The following MPP1 variants were observed in gnomAD, a reference collection of about 807,000 sequenced individuals.
MPP1 encodes the protein MAGUK p55 scaffold protein 1.
In MPP1, 6 loss-of-function variants were observed where a neutral mutation model predicts 38.2. The observed-to-expected ratio is 0.16, with a 90% CI of 0.09 to 0.31. MPP1 has a LOEUF of 0.31. Ranked by LOEUF, MPP1 falls within the 10% of genes least tolerant of loss-of-function variation. The pLI, the probability that MPP1 is intolerant of heterozygous loss-of-function variation, is 1.00. For synonymous variants in MPP1, 153 were observed against 146.3 expected, an observed-to-expected ratio of 1.05 and a Z score of -0.33; for missense variants, 293 against 368.9, an observed-to-expected ratio of 0.79 and a Z score of 1.69.
intron 1 of MPP1, chrX:154,799,691 C>G (rs1557268457): frequency 4.5e-6 from 5 of 1,108,548 alleles, no homozygotes; most frequent in Non-Finnish European, 6.0e-6. Context: ...GCGGAAGTGG[C>G]TCTGTTAAGG....
At chrX:154,805,202 A>T in intron 1 of MPP1, 70 bp downstream of exon 1, 1 of 1,038,676 alleles carries the variant, frequency 9.6e-7, no homozygotes. Flanking sequence ...AGGGACCGGG[A>T]CAGGGAAAGT....
intron 1 of MPP1, among the ~76,000 whole-genome samples, chrX:154,796,278 G>A (rs2072197138): frequency 9.1e-6 from 1 of 110,486 alleles, no homozygotes; most frequent in Non-Finnish European, 1.9e-5. Flanking sequence ...TTACAGGCAA[G>A]CGCCACCACA....
At chrX:154,799,717 C>T (rs2072240465) in intron 1 of MPP1, 1 of 1,140,776 alleles carries the variant, frequency 8.8e-7, no homozygotes, top group Non-Finnish European at 1.2e-6. Context: ...TGCTGGGATT[C>T]AGGAGGAGCC....
Position 154,805,360 on chromosome X carries a change from G to C in MPP1, c.14C>G (p.Ala5Gly). Residue 5 changes from alanine to glycine, a missense_variant, in exon 1 of 12, where the codon GCG becomes GGG. Ala to Gly is a moderately conservative substitution (Grantham distance 60). Coordinates refer to ENST00000369534, the MANE Select transcript of MPP1 (RefSeq NM_002436.4). The stretch of plus-strand genomic sequence containing the variant: ...GCTGCCCCCACTCTCGCCCTCGCTC[G>C]CCTTGAGGGTCATCTCGCAGAAGCT... Reference protein sequence around the residue: MTLKASEGESGGSMH... With the variant: MTLKGSEGESGGSMH... 2 of 1,199,460 alleles carry C rather than the reference G, an allele frequency of 1.7e-6. No homozygotes were observed. Among genetic ancestry groups the C allele is most frequent in the Non-Finnish European group, 2.3e-6 (2 of 888,454 alleles).
At chrX:154,802,795 G>A (rs1272303596) in intron 1 of MPP1, among the ~76,000 whole-genome samples, 1 of 112,566 alleles carries the variant, frequency 8.9e-6, no homozygotes, top group African/African-American at 3.2e-5. Flanking sequence ...AGTATTAAAT[G>A]TGGATTATAA....
At chrX:154,779,556 C>T (rs1273963132) in intron 11 of MPP1, among the ~76,000 whole-genome samples, 1 of 112,363 alleles carries the variant, frequency 8.9e-6, no homozygotes, top group Non-Finnish European at 1.9e-5. Context: ...CTCAGAGGAT[C>T]TCAAGCTAAC....
intron 1 of MPP1, among the ~76,000 whole-genome samples, chrX:154,800,371 G>A (rs1557268571): frequency 1.8e-5 from 2 of 112,036 alleles, no homozygotes; most frequent in Non-Finnish European, 3.8e-5. Context: ...TTGCTTCTCA[G>A]GTACTAAATC....
At chrX:154,790,832 C>A in intron 4 of MPP1, 151 bp downstream of exon 4, 2 of 467,218 alleles carry the variant, frequency 4.3e-6, no homozygotes, top group Non-Finnish European at 7.1e-6. Context: ...AGAAAATTAT[C>A]ATTTCTTACA....
chrX:154,784,583 C>T (rs1410704190), intron 7 of MPP1: 1 of 227,384 alleles, frequency 4.4e-6, no homozygotes, highest in African/African-American at 2.9e-5. Flanking sequence ...CACGATCATT[C>T]CCTGGCTGGT....
rs1389760747 is a variant in MPP1 at position 154,781,120 on chromosome X, A to G, written c.1224+119T>C. On this transcript the variant is annotated intron_variant, in intron 11 of 11. Coordinates refer to ENST00000369534, the MANE Select transcript of MPP1 (RefSeq NM_002436.4). ...CCTTTGGCTTCTTGGCCCTGGAGGA[A>G]GAAGCCCAGCTGGAGCTGTGACCTC... The G allele has an allele frequency of 1.7e-5, 11 of 632,055 alleles. No individual in the cohort carries two copies. In the African/African-American group the frequency reaches 1.8e-4, roughly 10 times the overall value. The allele number at this position is 632,055 out of a possible 1,213,427, so 52.1% of individuals were successfully genotyped here. A position where few individuals can be genotyped will look rare whatever the true frequency, so the allele number is the denominator to read the frequency against.
chrX:154,779,060 A>T lies in MPP1; in HGVS notation c.*117T>A. On this transcript the variant is annotated 3_prime_UTR_variant, in exon 12 of 12. Transcript: ENST00000369534. The stretch of plus-strand genomic sequence containing the variant: ...TTACTGGCTGAATTAGGATAGCTGC[A>T]GAGAGCTGGAAGCTGACACAAAACT... The T allele has an allele frequency of 1.5e-6, 1 of 657,591 alleles. No individual in the cohort carries two copies. The highest frequency in any genetic ancestry group is 2.3e-6 in the Non-Finnish European group (1 of 439,913). The allele number at this position is 657,591 out of a possible 1,213,427, so 54.2% of individuals were successfully genotyped here.
chrX:154,784,647 C>T (rs2072047693), intron 7 of MPP1: 3 of 248,432 alleles, frequency 1.2e-5, no homozygotes, highest in Non-Finnish European at 2.2e-5. Context: ...GCTGACCGTG[C>T]GAATTCTCTG....
intron 9 of MPP1, 67 bp downstream of exon 9, chrX:154,783,360 T>C (rs1309173082): frequency 3.4e-6 from 2 of 591,625 alleles, no homozygotes; most frequent in Admixed American, 7.7e-5. Flanking sequence ...AATAACACTA[T>C]GGTATTTCAG....
At chrX:154,789,182 A>ACC (rs1417345691) in intron 5 of MPP1, among the ~76,000 whole-genome samples, 2 of 112,293 alleles carry the variant, frequency 1.8e-5, no homozygotes, top group African/African-American at 6.5e-5. Context: ...AGAAAATTAT[A>ACC]CCGTCACACT....
intron 5 of MPP1, among the ~76,000 whole-genome samples, chrX:154,787,137 CACACACACA>C (rs1569558865): frequency 4.1e-4 from 41 of 100,581 alleles, no homozygotes; most frequent in Non-Finnish European, 5.3e-4. Flanking sequence ...CACACACACA[CACACACACA>C]CCTACCTCAT....
rs955829303 is a variant in MPP1, at chrX:154,779,098, C to G, written c.*79G>C. ...CTGACACAAAACTAGTTGGAGCAGC[C>G]CTGTTTGTCTTAAAGCAAGGCGGGT... On this transcript the variant is annotated 3_prime_UTR_variant, in exon 12 of 12. Coordinates refer to ENST00000369534, the MANE Select transcript of MPP1 (RefSeq NM_002436.4). 4 of 993,783 alleles carry G rather than the reference C, an allele frequency of 4.0e-6. No individual in the cohort carries two copies. Among genetic ancestry groups the G allele is most frequent in the Non-Finnish European group, 2.8e-6 (2 of 723,322 alleles). 81.9% of individuals were successfully genotyped at this position (993,783 alleles called of 1,213,427 possible).
intron 1 of MPP1, 93 bp from the exon 2 acceptor site, chrX:154,792,378 GA>G: frequency 9.7e-7 from 1 of 1,026,048 alleles, no homozygotes; most frequent in Non-Finnish European, 1.3e-6. Context: ...AAGAGGCTCT[GA>G]AAACTTATTT....
At chrX:154,791,968 A>G (rs1022553048) in intron 2 of MPP1, 121 bp from the exon 3 acceptor site, 1 of 960,723 alleles carries the variant, frequency 1.0e-6, no homozygotes, top group African/African-American at 1.9e-5. Context: ...ATAGTCCTCA[A>G]CTAGAACAGG....
At position 154,779,229 on chromosome X, in the gene MPP1, A is replaced by C; in HGVS notation, c.1349T>G (p.Phe450Cys). The C allele has an allele frequency of 8.3e-7, 1 of 1,211,863 alleles. No individual in the cohort carries two copies. Among genetic ancestry groups the C allele is most frequent in the Non-Finnish European group, 1.1e-6 (1 of 895,527 alleles). The change falls in exon 12 of 12, where the codon TTC becomes TGC. Residue 450 changes from phenylalanine to cysteine, a missense_variant. Transcript: ENST00000369534. ...CTGTGGAGAACTGCACGCTTGGTCG[A>C]AGGCTTCTTGTAATTTCTTAAGGGT... ...DETLKKLQEA[F>C]DQACSSPQWV...
Sources: allele counts gnomAD v4.1 joint callset (sites outside exome capture counted in the v4.1 genomes callset), GRCh38; gene constraint gnomAD v4.1.1; transcripts MANE v1.5; gene names NCBI Gene and HGNC (gene_info 2026-07-23, HGNC 2026-07-21).